The following STOX2 variants were observed in gnomAD, a reference collection of about 807,000 sequenced individuals.
STOX2 encodes storkhead box 2.
A neutral mutation model predicts 60.9 loss-of-function variants in STOX2; 28 were observed. The ratio of observed to expected loss-of-function variants is 0.46; its 90% CI spans 0.34 to 0.63. The LOEUF is 0.63. Among genes scored for constraint, STOX2 ranks in the 30% least tolerant of loss-of-function variants. The pLI is 0.01. For missense variants in STOX2, 1,024 were observed against 1,187.7 expected (o/e 0.86, Z 2.03); for synonymous variants, 472 against 463.9 (o/e 1.02, Z -0.22).
upstream of STOX2, among the ~76,000 whole-genome samples, chr4:183,902,755 T>C (rs750921439): frequency 5.9e-5 from 9 of 152,234 alleles, no homozygotes; most frequent in Non-Finnish European, 1.2e-4. Context: ...TTCATAGCAC[T>C]ATTCAGCATT....
chr4:183,964,128 C>G (rs1743494388), intron 1 of STOX2, among the ~76,000 whole-genome samples: 1 of 152,164 alleles, frequency 6.6e-6, no homozygotes, highest in African/African-American at 2.4e-5. Flanking sequence ...CTGAAATGTA[C>G]TTCTGTTCCA....
At chr4:183,898,318 C>G (rs915764278) in intron 1 of STOX2, among the ~76,000 whole-genome samples, 1 of 151,950 alleles carries the variant, frequency 6.6e-6, no homozygotes, top group Non-Finnish European at 1.5e-5. Flanking sequence ...CTCCCAGGTT[C>G]TTGCCCTGGG....
At chr4:183,812,613 A>T (rs1408055902) in intron 1 of STOX2, among the ~76,000 whole-genome samples, 1 of 133,316 alleles carries the variant, frequency 7.5e-6, no homozygotes, top group African/African-American at 3.5e-5. Context: ...CATTTCTGTG[A>T]CTACTTGTGA....
rs200401066 is a variant in STOX2, at chr4:184,009,800, A to G, written c.962A>G (p.Asp321Gly). Residue 321 changes from aspartate (D) to glycine (G), a missense_variant, in exon 3 of 4, where the codon GAC (aspartate) becomes GGC (glycine). Around this residue, in one of 3 missense-constraint regions of STOX2, gnomAD observed 922 missense variants for 1,058.3 expected, o/e 0.87. Coordinates refer to ENST00000308497, the MANE Select transcript of STOX2 (RefSeq NM_020225.3). This position sits in a 1 kb window ranked among gnomAD's most constrained non-coding sequence, Gnocchi z 4.0. Reference sequence around the variant, plus strand: ...GAAATCATTAGGCGCATTAACCCAGACCTGACCGTGGAAAATGTCATGCGG... The same window carrying G: ...GAAATCATTAGGCGCATTAACCCAGGCCTGACCGTGGAAAATGTCATGCGG... ...EMEIIRRINPDLTVENVMRHT... is the reference protein window; with the variant it reads ...EMEIIRRINPGLTVENVMRHT... The G allele has an allele frequency of 2.6e-4, 424 of 1,612,476 alleles. No individual in the cohort carries two copies. Among genetic ancestry groups the G allele is most frequent in the Non-Finnish European group, 3.3e-4 (395 of 1,179,386 alleles).
chr4:183,983,074 T>C (rs1366722664), intron 1 of STOX2, among the ~76,000 whole-genome samples: 1 of 152,198 alleles, frequency 6.6e-6, no homozygotes, highest in Non-Finnish European at 1.5e-5. Context: ...ATGCTGAATC[T>C]ACCACCAGCC....
intron 1 of STOX2, among the ~76,000 whole-genome samples, chr4:183,835,234 T>C (rs1739676327): frequency 6.6e-6 from 1 of 151,862 alleles, no homozygotes; most frequent in South Asian, 2.1e-4. Context: ...TAGATTTTTT[T>C]TTTTTTTTGA....
intron 1 of STOX2, among the ~76,000 whole-genome samples, chr4:183,972,333 G>A (rs144691214): frequency 5.2e-4 from 79 of 152,256 alleles, no homozygotes; most frequent in African/African-American, 1.6e-3. Context: ...TAAACCCAGC[G>A]TTCTAGCAGA....
chr4:183,965,541 C>A (rs4861596), intron 1 of STOX2, among the ~76,000 whole-genome samples: 112,520 of 152,110 alleles, frequency 0.74, 41,777 homozygotes, highest in African/African-American at 0.79. Flanking sequence ...TTTCTGATAC[C>A]ATTAGACAGT....
intron 1 of STOX2, among the ~76,000 whole-genome samples, chr4:183,868,555 T>G (rs1740623402): frequency 6.6e-6 from 1 of 152,214 alleles, no homozygotes; most frequent in African/African-American, 2.4e-5. Context: ...TGTCCCGACT[T>G]GAGTGAAGGT....
intron 1 of STOX2, among the ~76,000 whole-genome samples, chr4:183,809,032 G>A (rs1285336165): frequency 6.6e-6 from 1 of 152,188 alleles, no homozygotes; most frequent in African/African-American, 2.4e-5. Context: ...GTAAACAATA[G>A]GACATGCTTG....
intron 1 of STOX2, among the ~76,000 whole-genome samples, chr4:183,868,795 C>T (rs201571488): frequency 6.6e-6 from 1 of 152,156 alleles, no homozygotes; most frequent in East Asian, 1.9e-4. Flanking sequence ...ATAAGATGTC[C>T]GGCTTAACTG....
At chr4:183,919,779 A>G (rs565852298) in intron 1 of STOX2, among the ~76,000 whole-genome samples, 50 of 151,838 alleles carry the variant, frequency 3.3e-4, no homozygotes, top group Middle Eastern at 3.4e-3. Context: ...CTATTTTTAA[A>G]TTTTTTTGTA....
chr4:183,960,385 GT>G (rs757274549), intron 1 of STOX2: 11 of 152,192 alleles, frequency 7.2e-5, no homozygotes, highest in Non-Finnish European at 1.2e-4. Context: ...ATTACCGACT[GT>G]AACATGTTAG....
Position 183,906,805 on chromosome 4 carries a change from G to A in STOX2, c.15G>A (p.Arg5=), listed in dbSNP as rs1452173146. ...CCCTCCCCACCATGAAGAAGACCCG[G>A]AGCACAACCTTGCGGCGAGCCTGGC... is the stretch of plus-strand genomic sequence containing the variant. MKKT[R]STTLRRAWPS... Residue 5 remains arginine, a synonymous_variant, in exon 1 of 4, where the codon CGG becomes CGA. Transcript: ENST00000308497. The A allele has an allele frequency of 2.6e-6, 4 of 1,555,522 alleles. No individual in the cohort carries two copies. The highest frequency in any genetic ancestry group is 3.5e-6 in the Non-Finnish European group (4 of 1,149,660).
chr4:183,922,439 C>T (rs184110327), intron 1 of STOX2, among the ~76,000 whole-genome samples: 5 of 151,764 alleles, frequency 3.3e-5, no homozygotes, highest in East Asian at 1.9e-4. Context: ...CTCCACCTCC[C>T]GGGTTCAAGC....
chr4:183,970,310 C>T (rs1224657350), intron 1 of STOX2, among the ~76,000 whole-genome samples: 3 of 152,020 alleles, frequency 2.0e-5, no homozygotes, highest in Non-Finnish European at 2.9e-5. Flanking sequence ...TGGTAGCCTT[C>T]GTTCTCTGAA....
Position 183,891,709 on chromosome 4 carries a change from AACTT to A in STOX2, c.364+93660_364+93663del, listed in dbSNP as rs1366316059. Reference sequence around the variant, plus strand: ...AAAATCTCACAAATCACCACTAAAAAACTTACTTATGTCGCCACACACCACCTGT... The same window carrying A: ...AAAATCTCACAAATCACCACTAAAAAACTTATGTCGCCACACACCACCTGT... On this transcript the variant is annotated intron_variant, in intron 1 of 2. Transcript: ENST00000513034. Among the ~76,000 whole-genome samples the A allele has an allele frequency of 2.6e-5, 4 of 151,984 alleles. No individual in the cohort carries two copies. The East Asian group carries it at 7.7e-4, about 29-fold the overall frequency.
chr4:183,982,786 C>T (rs908880736), intron 1 of STOX2, among the ~76,000 whole-genome samples: 2 of 152,194 alleles, frequency 1.3e-5, no homozygotes, highest in African/African-American at 4.8e-5. Context: ...AGTTATCTCA[C>T]GTCTCTCTGC....
At chr4:183,823,980 C>T (rs977766967) in intron 1 of STOX2, among the ~76,000 whole-genome samples, 3 of 152,164 alleles carry the variant, frequency 2.0e-5, no homozygotes, top group Non-Finnish European at 4.4e-5. Flanking sequence ...TTCCCAGATA[C>T]GCAGACATGT....
Sources: allele counts gnomAD v4.1 joint callset (sites outside exome capture counted in the v4.1 genomes callset), GRCh38; gene constraint gnomAD v4.1.1; regional missense constraint gnomAD v4.1.1; non-coding constraint Gnocchi (gnomAD v3.1); transcripts MANE v1.5; gene names NCBI Gene and HGNC (gene_info 2026-07-23, HGNC 2026-07-21).